The following CD109 variants were observed in gnomAD, a reference collection of about 807,000 sequenced individuals.
CD109 encodes CD109 antigen.
In CD109, 149 loss-of-function variants were observed where a neutral mutation model predicts 165.8. The ratio of observed to expected loss-of-function variants is 0.90; its 90% CI spans 0.79 to 1.03. The LOEUF is 1.03. Ranked by LOEUF, CD109 falls within the 50% of genes least tolerant of loss-of-function variation. The pLI, the probability that CD109 is intolerant of heterozygous loss-of-function variation, is 0.00. For synonymous variants in CD109, 585 were observed against 592.1 expected (o/e 0.99, Z 0.18); for missense variants, 1,712 against 1,677.8 (o/e 1.02, Z -0.36).
At chr6:73,731,023 G>A (rs1364268179) in intron 4 of CD109, among the ~76,000 whole-genome samples, 1 of 151,972 alleles carries the variant, frequency 6.6e-6, no homozygotes, top group Admixed American at 6.6e-5. Context: ...GAGAGACAGA[G>A]AGTTTGTGTT....
intron 5 of CD109, among the ~76,000 whole-genome samples, chr6:73,756,071 TTAAC>T (rs1300369322): frequency 2.0e-5 from 3 of 152,158 alleles, no homozygotes; most frequent in African/African-American, 7.2e-5. Flanking sequence ...AAGGAAATAA[TTAAC>T]AGTATCTATT....
chr6:73,767,101 A>G (rs1188682473), intron 13 of CD109, 91 bp downstream of exon 13: 3 of 1,055,382 alleles, frequency 2.8e-6, no homozygotes, highest in Non-Finnish European at 4.3e-6. Flanking sequence ...CAGGTTTGTT[A>G]TATAGCTAAA....
chr6:73,708,846 G>A (rs1235537650), intron 2 of CD109, among the ~76,000 whole-genome samples: 1 of 152,042 alleles, frequency 6.6e-6, no homozygotes, highest in Non-Finnish European at 1.5e-5. Context: ...TGATGGGGTT[G>A]TTTGTTTTTT....
At chr6:73,803,339 G>A in intron 24 of CD109, 38 bp downstream of exon 24, 1 of 1,514,182 alleles carries the variant, frequency 6.6e-7, no homozygotes. Flanking sequence ...CCGTGTCATG[G>A]AATGGGCTTT....
intron 9 of CD109, among the ~76,000 whole-genome samples, chr6:73,763,268 C>A (rs112081359): frequency 6.4e-4 from 97 of 152,318 alleles, no homozygotes; most frequent in African/African-American, 2.1e-3. Flanking sequence ...TTGGACCTTT[C>A]TGTTACTATT....
At chr6:73,712,729 C>G (rs1201994176) in intron 2 of CD109, among the ~76,000 whole-genome samples, 1 of 152,136 alleles carries the variant, frequency 6.6e-6, no homozygotes, top group Non-Finnish European at 1.5e-5. Context: ...AAATGCGAAG[C>G]CTTCAAACAA....
intron 3 of CD109, among the ~76,000 whole-genome samples, chr6:73,724,106 C>A (rs1331588795): frequency 6.6e-6 from 1 of 152,100 alleles, no homozygotes; most frequent in Non-Finnish European, 1.5e-5. Flanking sequence ...TAATTTTTTG[C>A]ATTAATTTTG....
intron 15 of CD109, 60 bp downstream of exon 15, chr6:73,771,641 A>G: frequency 8.3e-7 from 1 of 1,204,178 alleles, no homozygotes; most frequent in Non-Finnish European, 1.1e-6. Context: ...AGGAAACTTT[A>G]TTGTACTACT....
intron 2 of CD109, among the ~76,000 whole-genome samples, chr6:73,713,361 G>A (rs1307509942): frequency 6.6e-6 from 1 of 152,052 alleles, no homozygotes; most frequent in East Asian, 1.9e-4. Flanking sequence ...ATAGGGGTGG[G>A]TGGGACATCT....
chr6:73,777,446 C>T (rs567576003), intron 15 of CD109, among the ~76,000 whole-genome samples: 1 of 152,148 alleles, frequency 6.6e-6, no homozygotes, highest in Admixed American at 6.5e-5. Context: ...TCCCATTTGT[C>T]AATTTTTGCT....
At chr6:73,682,157 A>G in the CD109 span, among the ~76,000 whole-genome samples, 19 of 152,158 alleles carry the variant, frequency 1.2e-4, no homozygotes, top group Non-Finnish European at 2.8e-4. Context: ...TCACTTCAGC[A>G]TTAACTCAAA....
intron 2 of CD109, among the ~76,000 whole-genome samples, chr6:73,712,711 G>T (rs868808566): frequency 1.3e-5 from 2 of 152,156 alleles, no homozygotes; most frequent in African/African-American, 4.8e-5. Flanking sequence ...CAGTTCTCAG[G>T]CTGTGCCAAA....
chr6:73,772,284 T>A (rs923038276), intron 15 of CD109, among the ~76,000 whole-genome samples: 4 of 152,026 alleles, frequency 2.6e-5, no homozygotes, highest in African/African-American at 4.8e-5. Context: ...GGTGGGTGGA[T>A]CACGAGGTCA....
intron 30 of CD109, 47 bp downstream of exon 30, chr6:73,815,170 G>C (rs759937096): frequency 6.7e-7 from 1 of 1,482,098 alleles, no homozygotes; most frequent in Admixed American, 2.6e-5. Flanking sequence ...TTAAAAAATA[G>C]ACTTGAAGGT....
At chr6:73,808,324 G>T in intron 26 of CD109, 76 bp downstream of exon 26, 1 of 1,436,988 alleles carries the variant, frequency 7.0e-7, no homozygotes, top group Non-Finnish European at 9.4e-7. Flanking sequence ...TTTTAGCCAG[G>T]TTTGAAATTG....
At chr6:73,812,751 A>G (rs982302001) in intron 29 of CD109, among the ~76,000 whole-genome samples, 63 of 152,198 alleles carry the variant, frequency 4.1e-4, no homozygotes, top group East Asian at 1.7e-3. Context: ...CTACATTTTT[A>G]TAGTGCAGCA....
intron 5 of CD109, among the ~76,000 whole-genome samples, chr6:73,750,992 T>A (rs1773169553): frequency 6.6e-6 from 1 of 152,126 alleles, no homozygotes; most frequent in Non-Finnish European, 1.5e-5. Context: ...ATGTCCAGTC[T>A]AATAAAATAA....
At chr6:73,703,636 G>A (rs557915152) in intron 2 of CD109, among the ~76,000 whole-genome samples, 2 of 152,228 alleles carry the variant, frequency 1.3e-5, no homozygotes, top group African/African-American at 4.8e-5. Context: ...TACAAATGCT[G>A]ATTCTTCTGA....
chr6:73,815,371 A>G (rs1434673145), intron 30 of CD109, among the ~76,000 whole-genome samples: 2 of 152,210 alleles, frequency 1.3e-5, no homozygotes, highest in South Asian at 4.1e-4. Context: ...TGTATATATA[A>G]ATTAATAAAA....
Sources: allele counts gnomAD v4.1 joint callset (sites outside exome capture counted in the v4.1 genomes callset), GRCh38; gene constraint gnomAD v4.1.1; transcripts MANE v1.5; gene names NCBI Gene and HGNC (gene_info 2026-07-23, HGNC 2026-07-21).